The following ERBB4 variants were observed in gnomAD, a reference collection of about 807,000 sequenced individuals.
ERBB4 encodes the protein erb-b2 receptor tyrosine kinase 4, also known as receptor tyrosine-protein kinase erbB-4.
Under a neutral mutation model 158.0 loss-of-function variants are expected in ERBB4, and 42 were observed. That is an observed-to-expected ratio of 0.27 (90% CI 0.21 to 0.34). ERBB4 has a LOEUF of 0.34. Ranked by LOEUF, ERBB4 falls within the 10% of genes least tolerant of loss-of-function variation. ERBB4 has a pLI of 1.00. For missense variants in ERBB4, 1,333 were observed against 1,624.1 expected, an observed-to-expected ratio of 0.82 and a Z score of 3.08; for synonymous variants, 583 against 558.7, an observed-to-expected ratio of 1.04 and a Z score of -0.61.
At chr2:211,962,337 T>C (rs1310670718) in intron 2 of ERBB4, among the ~76,000 whole-genome samples, 1 of 152,168 alleles carries the variant, frequency 6.6e-6, no homozygotes, top group Non-Finnish European at 1.5e-5. Context: ...TCTATTCATA[T>C]GCAGGAACTG....
Position 211,471,214 on chromosome 2 carries a change from A to C in ERBB4, c.2488-40114T>G, listed in dbSNP as rs751165117. ...GAGGGAGAAGAATCAAAGAGCATGG[A>C]GGCACCAGTCACAGGTGAAGAAGCT... is the stretch of plus-strand genomic sequence containing the variant. On this transcript the variant is annotated intron_variant, in intron 20 of 27. Coordinates refer to ENST00000342788, the MANE Select transcript of ERBB4 (RefSeq NM_005235.3). 4.6e-5 allele frequency among the ~76,000 whole-genome samples: 7 copies of C among 152,102 alleles called. No homozygotes were observed. The East Asian group carries it at 5.8e-4, about 13-fold the overall frequency.
chr2:211,973,426 C>T (rs1425067396), intron 2 of ERBB4, among the ~76,000 whole-genome samples: 1 of 152,116 alleles, frequency 6.6e-6, no homozygotes, highest in African/African-American at 2.4e-5. Context: ...TGGTCTCATT[C>T]TCCTGACTTC....
intron 1 of ERBB4, among the ~76,000 whole-genome samples, chr2:212,358,435 A>G (rs1022241275): frequency 6.6e-6 from 1 of 151,782 alleles, no homozygotes; most frequent in Non-Finnish European, 1.5e-5. Flanking sequence ...ACAGTAGACA[A>G]ATAATTTGTA....
At chr2:211,604,261 C>T (rs932499118) in intron 19 of ERBB4, among the ~76,000 whole-genome samples, 4 of 152,096 alleles carry the variant, frequency 2.6e-5, no homozygotes, top group East Asian at 1.9e-4. Context: ...TAGTGGGTCA[C>T]GAGATGTCCC....
chr2:211,959,810 T>C (rs1482268614), intron 2 of ERBB4, among the ~76,000 whole-genome samples: 5 of 152,070 alleles, frequency 3.3e-5, no homozygotes, highest in Non-Finnish European at 7.4e-5. Flanking sequence ...TCTGGGGACA[T>C]GGAGATGTAT....
At chr2:211,955,677 T>A (rs868287763) in intron 2 of ERBB4, among the ~76,000 whole-genome samples, 90 of 152,186 alleles carry the variant, frequency 5.9e-4, no homozygotes, top group African/African-American at 2.1e-3. Context: ...CAGGCCTCAG[T>A]CAATCACAGG....
At chr2:212,452,644 CACAA>C (rs1321332664) in intron 1 of ERBB4, among the ~76,000 whole-genome samples, 1 of 152,014 alleles carries the variant, frequency 6.6e-6, no homozygotes, top group African/African-American at 2.4e-5. Context: ...AACATATATA[CACAA>C]ACAATATGTA....
chr2:212,165,296 T>A (rs576322737), intron 1 of ERBB4, among the ~76,000 whole-genome samples: 1 of 151,282 alleles, frequency 6.6e-6, no homozygotes, highest in Non-Finnish European at 1.5e-5. Context: ...TGTCATTTTT[T>A]AAATTTTTTG....
At chr2:211,740,173 G>A (rs2106179900) in intron 5 of ERBB4, among the ~76,000 whole-genome samples, 1 of 152,148 alleles carries the variant, frequency 6.6e-6, no homozygotes, top group Non-Finnish European at 1.5e-5. Context: ...GTATTTCCGT[G>A]GTCATAATGC....
intron 3 of ERBB4, among the ~76,000 whole-genome samples, chr2:211,939,984 T>TATAGATAGATAGATAGATAG (rs530567931): frequency 4.9e-5 from 7 of 141,474 alleles, no homozygotes; most frequent in African/African-American, 1.2e-4. Flanking sequence ...TATATATGTA[T>TATAGATAGATAGATAGATAG]ATAGATAGAT....
intron 3 of ERBB4, among the ~76,000 whole-genome samples, chr2:211,881,570 C>A (rs1461402940): frequency 2.4e-5 from 3 of 124,250 alleles, no homozygotes; most frequent in African/African-American, 3.3e-5. Context: ...GTCAGAGAAC[C>A]TGCCTGCATA....
At chr2:211,581,626 A>T (rs11691078) in intron 19 of ERBB4, among the ~76,000 whole-genome samples, 3 of 151,954 alleles carry the variant, frequency 2.0e-5, no homozygotes, top group South Asian at 2.1e-4. Context: ...TTTTGCTTCT[A>T]GGCACTGCTC....
At position 211,804,629 on chromosome 2, in the gene ERBB4, T is replaced by G. The variant is rs537344992; in HGVS notation, c.422-16470A>C. ...CAGGGAAAATTATAGCTGCCCATTGTGGGGTTTTTTAATGCTCTATAAACA... is the reference window on the plus strand; with the variant it reads ...CAGGGAAAATTATAGCTGCCCATTGGGGGGTTTTTTAATGCTCTATAAACA... On this transcript the variant is annotated intron_variant, in intron 3 of 27. Transcript: ENST00000342788. 4.6e-5 allele frequency among the ~76,000 whole-genome samples: 7 copies of G among 152,322 alleles called. No individual in the cohort carries two copies. In the South Asian group the frequency reaches 1.4e-3, roughly 32 times the overall value.
chr2:212,289,441 T>G (rs1009508382), intron 1 of ERBB4, among the ~76,000 whole-genome samples: 1 of 152,220 alleles, frequency 6.6e-6, no homozygotes, highest in African/African-American at 2.4e-5. Context: ...AATCCAGATT[T>G]TATAATTGCC....
chr2:211,448,641 C>G (rs570120146), intron 20 of ERBB4, among the ~76,000 whole-genome samples: 19 of 152,108 alleles, frequency 1.2e-4, no homozygotes, highest in Non-Finnish European at 2.2e-4. Context: ...TTTGAAGGAC[C>G]AATAAAGGTT....
chr2:212,194,633 AC>A (rs2105887244), intron 1 of ERBB4, among the ~76,000 whole-genome samples: 1 of 152,124 alleles, frequency 6.6e-6, no homozygotes, highest in Admixed American at 6.6e-5. Flanking sequence ...TCATAATTGC[AC>A]AGATCTAATT....
At chr2:211,822,295 T>C (rs1309507485) in intron 3 of ERBB4, among the ~76,000 whole-genome samples, 2 of 151,996 alleles carry the variant, frequency 1.3e-5, no homozygotes, top group Admixed American at 6.6e-5. Context: ...AAGGAGAATA[T>C]TGAATGCTCC....
chr2:211,455,723 T>A (rs2064364953), intron 20 of ERBB4, among the ~76,000 whole-genome samples: 1 of 152,190 alleles, frequency 6.6e-6, no homozygotes, highest in South Asian at 2.1e-4. Flanking sequence ...AAACATAAAA[T>A]ATGTCCACAA....
At chr2:212,202,868 T>C (rs1034621037) in intron 1 of ERBB4, among the ~76,000 whole-genome samples, 3 of 152,140 alleles carry the variant, frequency 2.0e-5, no homozygotes, top group South Asian at 2.1e-4. Context: ...AAACTATTAG[T>C]TTTATGTATA....
Sources: allele counts gnomAD v4.1 joint callset (sites outside exome capture counted in the v4.1 genomes callset), GRCh38; gene constraint gnomAD v4.1.1; transcripts MANE v1.5; gene names NCBI Gene and HGNC (gene_info 2026-07-23, HGNC 2026-07-21).